RIMS1: variants seen among roughly 807,000 people sequenced by gnomAD.
RIMS1 encodes regulating synaptic membrane exocytosis 1.
A neutral mutation model predicts 214.1 loss-of-function variants in RIMS1; 83 were observed. That is an observed-to-expected ratio of 0.39 (90% confidence interval 0.32 to 0.47). The LOEUF is 0.47. Ranked by LOEUF, RIMS1 falls within the 20% of genes least tolerant of loss-of-function variation. RIMS1 has a pLI of 0.99. For synonymous variants in RIMS1, 793 were observed against 786.8 expected (o/e 1.01, Z -0.13); for missense variants, 2,050 against 2,161.8 (o/e 0.95, Z 1.03).
chr6:72,210,960 G>A (rs1335594846), intron 6 of RIMS1, among the ~76,000 whole-genome samples: 5 of 152,152 alleles, frequency 3.3e-5, no homozygotes, highest in Admixed American at 2.0e-4. Flanking sequence ...ATGCAAGGCC[G>A]ACTGTCCCTT....
intron 19 of RIMS1, chr6:72,264,099 G>A (rs2079330040): frequency 1.3e-6 from 1 of 777,706 alleles, no homozygotes; most frequent in Non-Finnish European, 1.6e-6. Context: ...AAACCAGTGA[G>A]GTGTTTGATG....
intron 2 of RIMS1, among the ~76,000 whole-genome samples, chr6:71,972,772 G>A (rs1796175896): frequency 6.6e-6 from 1 of 152,178 alleles, no homozygotes; most frequent in Admixed American, 6.5e-5. Context: ...GTTGGGGGAG[G>A]AGAAGATAGA....
At position 72,097,177 on chromosome 6, in the gene RIMS1, A is replaced by T. The variant is rs773931131; in HGVS notation, c.459+15A>T. ...GGTCAAACAACGTGAGTATTCCATG[A>T]ACATAAGGGGCGTTGTGAATGTGGA... On this transcript the variant is annotated intron_variant, in intron 3 of 33. Coordinates refer to ENST00000521978, the MANE Select transcript of RIMS1 (RefSeq NM_014989.7). 1 of 1,609,244 alleles carries T rather than the reference A, an allele frequency of 6.2e-7. No homozygotes were observed. The highest frequency in any genetic ancestry group is 1.1e-5 in the South Asian group (1 of 90,922).
intron 1 of RIMS1, among the ~76,000 whole-genome samples, chr6:71,947,813 C>T (rs1185012540): frequency 4.6e-5 from 7 of 151,908 alleles, no homozygotes; most frequent in African/African-American, 1.7e-4. Flanking sequence ...TTATACTTGT[C>T]AATTAAAAAT....
intron 2 of RIMS1, among the ~76,000 whole-genome samples, chr6:71,988,068 T>A (rs1488598529): frequency 2.6e-5 from 4 of 152,130 alleles, no homozygotes; most frequent in Non-Finnish European, 5.9e-5. Context: ...TGCTGGAGTT[T>A]TTTTTTTTCT....
intron 2 of RIMS1, among the ~76,000 whole-genome samples, chr6:72,095,527 C>G (rs992556078): frequency 6.6e-6 from 1 of 152,102 alleles, no homozygotes. Context: ...TATTTCAGAT[C>G]CTAAACTACA....
chr6:72,005,180 T>C (rs1229499062), intron 2 of RIMS1, among the ~76,000 whole-genome samples: 2 of 152,232 alleles, frequency 1.3e-5, no homozygotes, highest in Non-Finnish European at 2.9e-5. Context: ...CAGATAGTTT[T>C]AGATATGCGG....
chr6:71,958,915 G>A (rs965364213), intron 1 of RIMS1, among the ~76,000 whole-genome samples: 1 of 152,050 alleles, frequency 6.6e-6, no homozygotes, highest in Non-Finnish European at 1.5e-5. Flanking sequence ...GGATGAAGGG[G>A]ATGAAAAAGT....
At chr6:72,116,363 A>C (rs2037074581) in intron 4 of RIMS1, among the ~76,000 whole-genome samples, 1 of 152,018 alleles carries the variant, frequency 6.6e-6, no homozygotes, top group Admixed American at 6.6e-5. Flanking sequence ...GTGGGGGTCA[A>C]GGTGTACAAA....
chr6:72,049,621 A>G (rs765483156), intron 2 of RIMS1, among the ~76,000 whole-genome samples: 5 of 152,228 alleles, frequency 3.3e-5, no homozygotes, highest in Non-Finnish European at 5.9e-5. Context: ...CAAACAACAT[A>G]AAATAAGTTC....
chr6:72,223,352 G>C (rs1005057902), intron 6 of RIMS1, among the ~76,000 whole-genome samples: 2 of 151,994 alleles, frequency 1.3e-5, no homozygotes, highest in African/African-American at 4.8e-5. Flanking sequence ...TTGAAGGAGG[G>C]AAAACTGCAT....
chr6:72,179,352 C>A (rs921687402), intron 4 of RIMS1: 21 of 554,308 alleles, frequency 3.8e-5, no homozygotes, highest in Admixed American at 1.8e-4. Context: ...TGAGAAAAAA[C>A]CTCTACTCTG....
Position 72,338,229 on chromosome 6 carries a change from T to C in RIMS1, c.4366+4394T>C, listed in dbSNP as rs2096915491. On this transcript the variant is annotated intron_variant, in intron 29 of 33. Transcript: ENST00000521978. ...CCAACAGTGTAAAAGTGTTCCTATT[T>C]CTCCACATCCTCTCCAGCACCTGTT... 6.6e-5 allele frequency among the ~76,000 whole-genome samples: 10 copies of C among 151,970 alleles called. No individual in the cohort carries two copies. In the South Asian group the frequency reaches 2.1e-3, roughly 32 times the overall value.
chr6:72,044,568 C>T (rs778391627), intron 2 of RIMS1, among the ~76,000 whole-genome samples: 50 of 151,578 alleles, frequency 3.3e-4, no homozygotes, highest in Non-Finnish European at 8.9e-5. Context: ...TTGAACAAAC[C>T]CTTCAAAGAT....
At chr6:72,312,222 A>G (rs2095546233) in intron 27 of RIMS1, among the ~76,000 whole-genome samples, 1 of 152,166 alleles carries the variant, frequency 6.6e-6, no homozygotes, top group Admixed American at 6.5e-5. Context: ...CTACAGGTTT[A>G]ATAAACATTT....
At chr6:72,355,758 C>A (rs891082837) in intron 29 of RIMS1, among the ~76,000 whole-genome samples, 29 of 152,082 alleles carry the variant, frequency 1.9e-4, no homozygotes, top group African/African-American at 6.8e-4. Flanking sequence ...TCGTTGAGCT[C>A]CCTATGAAGT....
At chr6:72,037,116 C>G (rs1019956631) in intron 2 of RIMS1, among the ~76,000 whole-genome samples, 1 of 151,136 alleles carries the variant, frequency 6.6e-6, no homozygotes, top group African/African-American at 2.4e-5. Context: ...TATTTACTTC[C>G]TTATAGCAAA....
rs992250775 is a variant in RIMS1 at position 72,274,426 on chromosome 6, A to G, written c.3476A>G (p.Asn1159Ser). ...RIQIQHASPE[N>S]DRHSRKSERS... is the part of the protein sequence containing the mutation. Reference sequence around the variant, plus strand: ...CAAATCCAGCATGCGTCTCCGGAGAATGACAGGTACTAGTCAACTCCTCCT... The same window carrying G: ...CAAATCCAGCATGCGTCTCCGGAGAGTGACAGGTACTAGTCAACTCCTCCT... The change falls in exon 23 of 34, where the codon AAT becomes AGT. Residue 1159 changes from asparagine to serine, a missense_variant. Physicochemically the swap from Asn to Ser is conservative, Grantham distance 46. Transcript: ENST00000521978. 1 of 1,612,192 alleles carries G rather than the reference A, an allele frequency of 6.2e-7. No homozygotes were observed. The highest frequency in any genetic ancestry group is 8.5e-7 in the Non-Finnish European group (1 of 1,178,422).
At chr6:72,134,997 A>C (rs1369802115) in intron 4 of RIMS1, among the ~76,000 whole-genome samples, 1 of 152,054 alleles carries the variant, frequency 6.6e-6, no homozygotes, top group Non-Finnish European at 1.5e-5. Context: ...TCAAGCACAA[A>C]ATTTTCGTTA....
Sources: allele counts gnomAD v4.1 joint callset (sites outside exome capture counted in the v4.1 genomes callset), GRCh38; gene constraint gnomAD v4.1.1; transcripts MANE v1.5; gene names NCBI Gene and HGNC (gene_info 2026-07-23, HGNC 2026-07-21).